PDXDC1: variants seen among roughly 807,000 people sequenced by gnomAD.
PDXDC1 encodes pyridoxal-dependent decarboxylase domain-containing protein 1.
A neutral mutation model predicts 100.1 loss-of-function variants in PDXDC1; 42 were observed. The ratio of observed to expected loss-of-function variants is 0.42; its 90% CI spans 0.33 to 0.54. The LOEUF (loss-of-function observed/expected upper bound fraction) is 0.54. Among genes scored for constraint, PDXDC1 ranks in the 20% least tolerant of loss-of-function variants. PDXDC1 has a pLI of 0.10. For missense variants in PDXDC1, 636 were observed against 979.2 expected (o/e 0.65, Z 4.68); for synonymous variants, 260 against 371.7 (o/e 0.70, Z 3.46).
intron 16 of PDXDC1, chr16:15,065,483 A>C (rs2044930665): frequency 1.3e-6 from 1 of 774,210 alleles, no homozygotes; most frequent in Non-Finnish European, 2.1e-6. Flanking sequence ...TGCTGAATAT[A>C]ACAAGTGCTA....
rs765475040 is a variant in PDXDC1, at chr16:15,022,806, A to G, written c.1140+52A>G. 5.1e-6 allele frequency: 7 copies of G among 1,380,558 alleles called. No individual in the cohort carries two copies. The African/African-American group carries it at 8.7e-5, about 17-fold the overall frequency. The allele number at this position is 1,380,558 out of a possible 1,614,324, so 85.5% of individuals were successfully genotyped here. A position where few individuals can be genotyped will look rare whatever the true frequency, so the allele number is the denominator to read the frequency against. ...CAAAATATAACTTTTTTTGAACCTC[A>G]GCAACTTTGAATGATTTTAGAACTT... On this transcript the variant is annotated intron_variant, in intron 13 of 22. Coordinates refer to ENST00000396410, the MANE Select transcript of PDXDC1 (RefSeq NM_015027.4).
chr16:15,039,253 C>G (rs2043694337), downstream of PDXDC1, among the ~76,000 whole-genome samples: 1 of 152,202 alleles, frequency 6.6e-6, no homozygotes, highest in African/African-American at 2.4e-5. Context: ...ATCAACTAAA[C>G]TAGGCCTGTT....
intron 16 of PDXDC1, among the ~76,000 whole-genome samples, chr16:15,053,941 A>G (rs1336991728): frequency 6.6e-6 from 1 of 152,058 alleles, no homozygotes; most frequent in Non-Finnish European, 1.5e-5. Flanking sequence ...ACAAACAAAC[A>G]AAAAACCCAA....
intron 16 of PDXDC1, among the ~76,000 whole-genome samples, chr16:15,132,237 G>T (rs1479973915): frequency 6.1e-5 from 1 of 16,334 alleles, no homozygotes; most frequent in Admixed American, 3.9e-4. Flanking sequence ...GCTAGGGGAG[G>T]GAGGGGCTGG....
At chr16:15,104,383 G>A (rs769049694) in intron 16 of PDXDC1, 7 of 1,596,576 alleles carry the variant, frequency 4.4e-6, no homozygotes, top group Non-Finnish European at 5.9e-6. Flanking sequence ...GAGGGTGGAA[G>A]GGGAGTGAGC....
At chr16:15,033,908 A>G (rs1220466718) in intron 19 of PDXDC1, among the ~76,000 whole-genome samples, 2 of 152,166 alleles carry the variant, frequency 1.3e-5, no homozygotes, top group Non-Finnish European at 2.9e-5. Flanking sequence ...CCTAAAAATC[A>G]CTCAAAAGGA....
intron 16 of PDXDC1, chr16:15,045,653 G>GT (rs2151707810): frequency 6.6e-6 from 1 of 152,436 alleles, no homozygotes; most frequent in African/African-American, 2.4e-5. Flanking sequence ...CTGCCTGCTG[G>GT]AAGCCCTCCT....
At chr16:14,984,434 TGAGAGAGAGA>T (rs144320095) in intron 1 of PDXDC1, among the ~76,000 whole-genome samples, 2 of 104,614 alleles carry the variant, frequency 1.9e-5, no homozygotes, top group Non-Finnish European at 3.5e-5. Context: ...CACATAAAAG[TGAGAGAGAGA>T]GAGAGAGAGA....
In PDXDC1 at chr16:15,038,247, C is replaced by A; in HGVS notation, c.*1972C>A. 2.7e-6 allele frequency: 4 copies of A among 1,464,260 alleles called. No homozygotes were observed. The highest frequency in any genetic ancestry group is 3.8e-6 in the Non-Finnish European group (4 of 1,049,880). The allele number at this position is 1,464,260 out of a possible 1,614,324, so 90.7% of individuals were successfully genotyped here. On this transcript the variant is annotated 3_prime_UTR_variant, in exon 23 of 23. Coordinates refer to ENST00000396410, the MANE Select transcript of PDXDC1 (RefSeq NM_015027.4). The stretch of plus-strand genomic sequence containing the variant: ...AGATGGTGGGCATTAGAGAAGCCAA[C>A]CTTACTGTCCCCTGCTGTGATAAAG...
chr16:15,140,160 A>C (rs978004099), downstream of PDXDC1, among the ~76,000 whole-genome samples: 5 of 149,596 alleles, frequency 3.3e-5, no homozygotes, highest in Non-Finnish European at 1.5e-5. Flanking sequence ...GAGAAGGGGA[A>C]AGAGCCGGGT....
chr16:15,055,944 C>G, intron 16 of PDXDC1: 1 of 1,231,122 alleles, frequency 8.1e-7, no homozygotes, highest in Non-Finnish European at 1.0e-6. Context: ...GGCAGCCGCA[C>G]TCGCCGCCCC....
chr16:15,094,077 TC>T (rs2046251585), intron 16 of PDXDC1: 1 of 1,386,714 alleles, frequency 7.2e-7, no homozygotes, highest in Admixed American at 2.0e-5. Context: ...ATCCTTTCAA[TC>T]CGCTCCTCTA....
intron 16 of PDXDC1, chr16:15,137,718 G>A: frequency 2.5e-6 from 3 of 1,185,226 alleles, no homozygotes; most frequent in East Asian, 5.1e-5. Context: ...CACCTGGCTG[G>A]GAAGGACAGA....
chr16:14,981,018 G>T (rs1464122905), intron 1 of PDXDC1, among the ~76,000 whole-genome samples: 1 of 152,288 alleles, frequency 6.6e-6, no homozygotes, highest in African/African-American at 2.4e-5. Context: ...TCTGGTAAGG[G>T]AGTATACTTT....
intron 6 of PDXDC1, among the ~76,000 whole-genome samples, chr16:15,007,396 G>A (rs1163250417): frequency 9.8e-5 from 15 of 152,306 alleles, no homozygotes; most frequent in African/African-American, 2.6e-4. Context: ...GGATGGTGTC[G>A]ATCTCCTGGC....
At chr16:15,044,663 C>T (rs2043972752) in intron 16 of PDXDC1, 5 of 537,944 alleles carry the variant, frequency 9.3e-6, no homozygotes, top group Admixed American at 6.6e-5. Flanking sequence ...CGCCTCCATG[C>T]ACCAGTGGGG....
intron 8 of PDXDC1, among the ~76,000 whole-genome samples, chr16:15,014,353 G>T (rs1401183455): frequency 6.6e-6 from 1 of 152,286 alleles, no homozygotes; most frequent in African/African-American, 2.4e-5. Flanking sequence ...GCTGCAGTTT[G>T]CATGTGACTG....
At chr16:15,071,411 T>A (rs1332497731) in intron 16 of PDXDC1, among the ~76,000 whole-genome samples, 5 of 152,178 alleles carry the variant, frequency 3.3e-5, no homozygotes, top group Non-Finnish European at 7.4e-5. Flanking sequence ...AGAATATCAT[T>A]AAAAACAAAA....
chr16:15,080,907 C>T (rs2045671793), intron 16 of PDXDC1, among the ~76,000 whole-genome samples: 1 of 151,744 alleles, frequency 6.6e-6, no homozygotes, highest in Non-Finnish European at 1.5e-5. Context: ...TAAACCATTC[C>T]TCTCATATCA....
Sources: gnomAD v4.1 joint callset for allele counts (sites outside exome capture counted in the v4.1 genomes callset) on GRCh38, gnomAD v4.1.1 for gene constraint, MANE v1.5 for transcripts, NCBI Gene and HGNC (gene_info 2026-07-23, HGNC 2026-07-21) for gene names.